The following CNTN5 variants were observed in gnomAD, a reference collection of about 807,000 sequenced individuals.
The protein encoded by CNTN5 is contactin-5.
In CNTN5, 77 loss-of-function variants were observed where a neutral mutation model predicts 129.1. The observed-to-expected ratio is 0.60, with a 90% confidence interval of 0.50 to 0.72. The LOEUF (loss-of-function observed/expected upper bound fraction) is 0.72. Ranked by LOEUF, CNTN5 falls within the 30% of genes least tolerant of loss-of-function variation. The pLI is 0.00. For synonymous variants in CNTN5, 509 were observed against 465.6 expected (o/e 1.09, Z -1.20); for missense variants, 1,478 against 1,328.8 (o/e 1.11, Z -1.75).
intron 1 of CNTN5, among the ~76,000 whole-genome samples, chr11:99,294,813 T>G (rs997243346): frequency 6.6e-6 from 1 of 152,206 alleles, no homozygotes; most frequent in African/African-American, 2.4e-5. Flanking sequence ...TTCAGCTATT[T>G]TTGTGGCTTT....
At chr11:99,877,218 A>G (rs961169914) in intron 6 of CNTN5, among the ~76,000 whole-genome samples, 1 of 152,194 alleles carries the variant, frequency 6.6e-6, no homozygotes, top group Non-Finnish European at 1.5e-5. Context: ...AAAATTCTTT[A>G]TAATAGAACA....
chr11:100,242,938 C>T (rs1296013947), intron 16 of CNTN5, among the ~76,000 whole-genome samples: 1 of 152,182 alleles, frequency 6.6e-6, no homozygotes, highest in African/African-American at 2.4e-5. Flanking sequence ...ATTGTCATGT[C>T]TGATAACTTG....
intron 2 of CNTN5, among the ~76,000 whole-genome samples, chr11:99,421,632 C>T (rs1226147712): frequency 2.6e-5 from 4 of 152,074 alleles, no homozygotes; most frequent in Admixed American, 2.0e-4. Context: ...GACTTTTTTG[C>T]ATTTCTGGAT....
In CNTN5 at chr11:99,787,565, G is replaced by A. The variant is rs556937055; in HGVS notation, c.56-31979G>A. Among the ~76,000 whole-genome samples, 184 of 150,684 alleles carry A rather than the reference G, an allele frequency of 1.2e-3. 1 individual carries two copies. Among genetic ancestry groups the A allele is most frequent in the Non-Finnish European group, 2.0e-3 (133 of 67,666 alleles). On this transcript the variant is annotated intron_variant, in intron 3 of 24. Transcript: ENST00000524871. ...ATGATTCAACATCCTATAGTGGCAC[G>A]AAGCCAACTCTTCTAATCAATAAGT...
At chr11:99,551,532 A>AT (rs1948481890) in intron 2 of CNTN5, among the ~76,000 whole-genome samples, 3 of 152,200 alleles carry the variant, frequency 2.0e-5, no homozygotes, top group African/African-American at 7.2e-5. Flanking sequence ...TATCTAATAA[A>AT]TGGTAGTTGT....
Position 99,203,764 on chromosome 11 carries a change from A to G in CNTN5, c.-209-121582A>G, listed in dbSNP as rs531758639. On this transcript the variant is annotated intron_variant, in intron 1 of 24. Transcript: ENST00000524871. ...AGGCATGTGCCAGCACGTCCGGCTA[A>G]TTTTTTGTATTTTTAGTAGAGATGG... 3.0e-4 allele frequency among the ~76,000 whole-genome samples: 45 copies of G among 151,946 alleles called. 2 individuals carry two copies. The South Asian group carries it at 9.4e-3, about 32-fold the overall frequency.
At chr11:99,687,343 G>T (rs887607901) in intron 3 of CNTN5, among the ~76,000 whole-genome samples, 1 of 152,006 alleles carries the variant, frequency 6.6e-6, no homozygotes, top group African/African-American at 2.4e-5. Context: ...TAAGTAATTA[G>T]ATGTCTGACA....
chr11:99,633,754 G>C (rs1270827445), intron 3 of CNTN5, among the ~76,000 whole-genome samples: 1 of 152,110 alleles, frequency 6.6e-6, no homozygotes, highest in Non-Finnish European at 1.5e-5. Flanking sequence ...TAGGGTTTAT[G>C]TTTGTTTGTT....
chr11:99,527,330 G>A (rs1591220963), intron 2 of CNTN5, among the ~76,000 whole-genome samples: 1 of 152,216 alleles, frequency 6.6e-6, no homozygotes, highest in African/African-American at 2.4e-5. Flanking sequence ...AACTACCAGA[G>A]TATAGGCATG....
chr11:99,671,115 G>GCT (rs1187462385), intron 3 of CNTN5, among the ~76,000 whole-genome samples: 7 of 148,506 alleles, frequency 4.7e-5, no homozygotes, highest in African/African-American at 1.7e-4. Context: ...GCTCGCTCTT[G>GCT]CTCTCTCTCT....
chr11:99,915,919 A>C (rs982979327), intron 6 of CNTN5, 135 bp from the exon 7 acceptor site: 1 of 655,200 alleles, frequency 1.5e-6, no homozygotes, highest in African/African-American at 1.8e-5. Flanking sequence ...ATATATGTTA[A>C]AGCCTTCTTG....
intron 6 of CNTN5, among the ~76,000 whole-genome samples, chr11:99,887,510 A>T (rs1291199665): frequency 6.6e-6 from 1 of 152,218 alleles, no homozygotes; most frequent in Non-Finnish European, 1.5e-5. Context: ...AGATGTATAT[A>T]TGAAGGGGAG....
chr11:99,729,871 G>C (rs1943471932), intron 3 of CNTN5, among the ~76,000 whole-genome samples: 1 of 152,096 alleles, frequency 6.6e-6, no homozygotes. Flanking sequence ...ACACGGGGAG[G>C]GGAACAACAC....
At chr11:99,569,393 A>T (rs112103057) in intron 3 of CNTN5, among the ~76,000 whole-genome samples, 3 of 152,236 alleles carry the variant, frequency 2.0e-5, no homozygotes, top group African/African-American at 7.2e-5. Flanking sequence ...GCCTCACTGC[A>T]AGCTCCGCCT....
chr11:99,464,150 A>G (rs554129526), intron 2 of CNTN5, among the ~76,000 whole-genome samples: 41 of 152,216 alleles, frequency 2.7e-4, no homozygotes, highest in Admixed American at 5.2e-4. Context: ...TAAGTGTGCT[A>G]AGTGTTCCTT....
intron 1 of CNTN5, among the ~76,000 whole-genome samples, chr11:99,289,742 A>G (rs1170609447): frequency 6.6e-6 from 1 of 151,794 alleles, no homozygotes; most frequent in Admixed American, 6.6e-5. Flanking sequence ...AGTGTTGATC[A>G]TTGTAAAATA....
chr11:99,947,398 A>AATAAACC (rs1336796561), intron 7 of CNTN5, among the ~76,000 whole-genome samples: 1 of 152,014 alleles, frequency 6.6e-6, no homozygotes, highest in Non-Finnish European at 1.5e-5. Context: ...TGATGTAGAA[A>AATAAACC]ATAAACCATT....
intron 9 of CNTN5, among the ~76,000 whole-genome samples, chr11:100,015,561 C>T (rs1265791281): frequency 6.6e-6 from 1 of 152,114 alleles, no homozygotes; most frequent in Admixed American, 6.6e-5. Flanking sequence ...TCATGGATTG[C>T]AGTTCTTTTC....
At chr11:99,828,429 G>A (rs575023203) in intron 4 of CNTN5, among the ~76,000 whole-genome samples, 97 of 152,236 alleles carry the variant, frequency 6.4e-4, no homozygotes, top group Non-Finnish European at 1.1e-3. Context: ...GTCATCATAT[G>A]GTGAAGATGG....
Sources: allele counts gnomAD v4.1 joint callset (sites outside exome capture counted in the v4.1 genomes callset), GRCh38; gene constraint gnomAD v4.1.1; transcripts MANE v1.5; gene names NCBI Gene and HGNC (gene_info 2026-07-23, HGNC 2026-07-21).